The following USP42 variants were observed in gnomAD, a reference collection of about 807,000 sequenced individuals.
The protein encoded by USP42 is ubiquitin specific peptidase 42.
Under a neutral mutation model 113.0 loss-of-function variants are expected in USP42, and 23 were observed. That is an observed-to-expected ratio of 0.20 (90% CI 0.15 to 0.29). USP42 has a LOEUF of 0.29. Ranked by LOEUF, USP42 falls within the 10% of genes least tolerant of loss-of-function variation. The pLI is 1.00. For synonymous variants in USP42, 933 were observed against 699.0 expected (o/e 1.33, Z -5.28); for missense variants, 2,174 against 1,779.8 (o/e 1.22, Z -3.99).
chr7:6,116,550 TAAAA>T (rs900796307), intron 3 of USP42: 29 of 271,106 alleles, frequency 1.1e-4, no homozygotes, highest in African/African-American at 5.9e-4. Context: ...TACTAGGATT[TAAAA>T]AAAAAAATCC....
Position 6,155,003 on chromosome 7 carries a change from G to T in USP42, c.3449G>T (p.Arg1150Leu). The part of the protein sequence containing the change: ...VAGDNCNLSD[R>L]FHEHENGKSR... ...GGAGACAACTGTAACCTCTCTGATC[G>T]GTTTCACGAACACGAAAATGGAAAG... is the stretch of plus-strand genomic sequence containing the variant. The change falls in exon 15 of 18, where the codon CGG (arginine) becomes CTG (leucine). Residue 1150 changes from arginine to leucine, a missense_variant. Arg to Leu is a moderately radical substitution (Grantham distance 102, BLOSUM62 -2). Transcript: ENST00000306177. 1.3e-6 allele frequency: 2 copies of T among 1,564,760 alleles called. No individual in the cohort carries two copies. The highest frequency in any genetic ancestry group is 2.4e-5 in the East Asian group (1 of 42,062).
At chr7:6,121,214 G>A (rs895814700) in intron 3 of USP42, among the ~76,000 whole-genome samples, 2 of 151,994 alleles carry the variant, frequency 1.3e-5, no homozygotes, top group African/African-American at 4.8e-5. Flanking sequence ...AAAAATCCAT[G>A]TCTCTTTCTC....
intron 7 of USP42, among the ~76,000 whole-genome samples, chr7:6,142,142 A>G (rs1395926478): frequency 6.6e-6 from 1 of 152,044 alleles, no homozygotes. Context: ...TCATTTTTAA[A>G]TGGGAGAGGA....
chr7:6,124,427 G>A (rs1316636966), intron 3 of USP42, among the ~76,000 whole-genome samples: 7 of 151,284 alleles, frequency 4.6e-5, no homozygotes, highest in African/African-American at 1.7e-4. Flanking sequence ...CACCACACCC[G>A]GCTAATTTTT....
intron 3 of USP42, among the ~76,000 whole-genome samples, chr7:6,120,946 ATTGT>A (rs1430371033): frequency 6.6e-6 from 1 of 151,962 alleles, no homozygotes; most frequent in Non-Finnish European, 1.5e-5. Flanking sequence ...CAACTTACTG[ATTGT>A]TTATTGCTAG....
rs781367568 is a variant in USP42, at chr7:6,154,773, C to G, written c.3219C>G (p.Asp1073Glu). 12 of 1,553,798 alleles carry G rather than the reference C, an allele frequency of 7.7e-6. No homozygotes were observed. Among genetic ancestry groups the G allele is most frequent in the South Asian group, 3.6e-5 (3 of 84,232 alleles). Reference sequence around the variant, plus strand: ...GGTACGCCCTGTACGCTGCCCGGGACTGGAAGCCCTTCCACGGCGGCCGCG... The same window carrying G: ...GGTACGCCCTGTACGCTGCCCGGGAGTGGAAGCCCTTCCACGGCGGCCGCG... The part of the protein sequence containing the change: ...HDRYALYAAR[D>E]WKPFHGGREH... The change falls in exon 15 of 18, where the codon GAC (aspartate) becomes GAG (glutamate). Residue 1073 changes from aspartate to glutamate, a missense_variant. Transcript: ENST00000306177.
At position 6,126,154 on chromosome 7, in the gene USP42, T is replaced by C. The variant is rs560850740; in HGVS notation, c.443-9687T>C. ...GTCATTTCAACAGTGTTACGTGAAT[T>C]ATATAGTATGTAACCTTTTGGAATT... On this transcript the variant is annotated intron_variant, in intron 3 of 17. Transcript: ENST00000306177. 2.0e-5 allele frequency among the ~76,000 whole-genome samples: 3 copies of C among 152,366 alleles called. No homozygotes were observed. In the East Asian group the frequency reaches 5.8e-4, roughly 29 times the overall value.
chr7:6,154,254 A>T lies in USP42; in HGVS notation c.2700A>T (p.Pro900=). The change falls in exon 15 of 18, where the codon CCA becomes CCT. Residue 900 remains proline, a synonymous_variant. Coordinates refer to ENST00000306177, the MANE Select transcript of USP42 (RefSeq NM_032172.3). The part of the protein sequence containing the change: ...LGAPEAAERP[P]APVLDMAPAG... The stretch of plus-strand genomic sequence containing the variant: ...CACCCGAGGCCGCAGAGCGGCCGCC[A>T]GCTCCTGTGCTGGACATGGCCCCGG... The T allele has an allele frequency of 6.2e-7, 1 of 1,604,784 alleles. No homozygotes were observed. The highest frequency in any genetic ancestry group is 8.5e-7 in the Non-Finnish European group (1 of 1,177,066).
At chr7:6,136,503 T>C (rs1781161549) in intron 4 of USP42, among the ~76,000 whole-genome samples, 1 of 152,180 alleles carries the variant, frequency 6.6e-6, no homozygotes, top group East Asian at 1.9e-4. Flanking sequence ...ATATAACAAA[T>C]TTTAAACTAT....
At chr7:6,121,969 G>A (rs775249242) in intron 3 of USP42, among the ~76,000 whole-genome samples, 2 of 152,100 alleles carry the variant, frequency 1.3e-5, no homozygotes, top group Non-Finnish European at 2.9e-5. Context: ...CTCCTTTTTC[G>A]TTTGATCAAT....
At chr7:6,127,784 A>G (rs979583946) in intron 3 of USP42, among the ~76,000 whole-genome samples, 3 of 152,208 alleles carry the variant, frequency 2.0e-5, no homozygotes, top group Non-Finnish European at 2.9e-5. Flanking sequence ...AAAATAATCT[A>G]TATAAAATAT....
intron 8 of USP42, 54 bp from the exon 9 acceptor site, chr7:6,144,031 C>G: frequency 8.4e-7 from 1 of 1,194,930 alleles, no homozygotes; most frequent in Non-Finnish European, 1.1e-6. Flanking sequence ...CAAAATACCA[C>G]AAATTGTGTG....
chr7:6,149,414 C>A lies in USP42; in HGVS notation c.1387-169C>A, dbSNP rs570493911. ...AAAACTAGGGCCTGTGGAAAGTATG[C>A]GCGGGTAGGAGGGATTGAGAAAAAC... On this transcript the variant is annotated intron_variant, in intron 12 of 17. Coordinates refer to ENST00000306177, the MANE Select transcript of USP42 (RefSeq NM_032172.3). 3.3e-5 allele frequency among the ~76,000 whole-genome samples: 5 copies of A among 150,720 alleles called. No homozygotes were observed. In the East Asian group the frequency reaches 9.7e-4, roughly 29 times the overall value.
At chr7:6,092,710 C>T in the USP42 span, among the ~76,000 whole-genome samples, 1 of 151,142 alleles carries the variant, frequency 6.6e-6, no homozygotes, top group East Asian at 1.9e-4. Flanking sequence ...TTTGTCAATC[C>T]ATAAAGGAGA....
At chr7:6,096,973 G>C in the USP42 span, among the ~76,000 whole-genome samples, 1 of 149,842 alleles carries the variant, frequency 6.7e-6, no homozygotes, top group South Asian at 2.1e-4. Context: ...ATCCATGCTG[G>C]AGTGCTGTGG....
At chr7:6,090,068 G>C in the USP42 span, among the ~76,000 whole-genome samples, 1 of 148,378 alleles carries the variant, frequency 6.7e-6, no homozygotes, top group African/African-American at 2.5e-5. Context: ...GGGAGGTCAA[G>C]GTGGGCAGAT....
At chr7:6,085,137 T>A in the USP42 span, 8 of 150,032 alleles carry the variant, frequency 5.3e-5, no homozygotes, top group Non-Finnish European at 1.0e-4. Context: ...TTATTTATTT[T>A]GAGACAGATT....
At chr7:6,142,379 G>C (rs1781480651) in intron 7 of USP42, among the ~76,000 whole-genome samples, 1 of 151,896 alleles carries the variant, frequency 6.6e-6, no homozygotes. Flanking sequence ...ACTGTGCCCT[G>C]CTAATTTTTT....
Position 6,155,047 on chromosome 7 carries a change from G to A in USP42, c.3493G>A (p.Asp1165Asn). The change falls in exon 15 of 18, where the codon GAC becomes AAC. Residue 1165 changes from aspartate to asparagine, a missense_variant. By Grantham distance (23) the Asp-to-Asn change is conservative. Transcript: ENST00000306177. ...ENGKSRKRRH[D>N]SVENSDSHVE... ...TGGAAAGTCCCGGAAACGGAGACAC[G>A]ACAGTGTGGAGAACAGTGACAGTCA... 1 of 1,563,266 alleles carries A rather than the reference G, an allele frequency of 6.4e-7. No individual in the cohort carries two copies. Among genetic ancestry groups the A allele is most frequent in the Non-Finnish European group, 8.7e-7 (1 of 1,153,724 alleles).
Sources: allele counts gnomAD v4.1 joint callset (sites outside exome capture counted in the v4.1 genomes callset), GRCh38; gene constraint gnomAD v4.1.1; transcripts MANE v1.5; gene names NCBI Gene and HGNC (gene_info 2026-07-23, HGNC 2026-07-21).